The following CDH13 variants were observed in gnomAD, a reference collection of about 807,000 sequenced individuals.
CDH13 encodes cadherin 13.
In CDH13, 24 loss-of-function variants were observed where a neutral mutation model predicts 63.8. The observed-to-expected ratio is 0.38, with a 90% CI of 0.27 to 0.53. CDH13 has a LOEUF of 0.53. Among genes scored for constraint, CDH13 ranks in the 20% least tolerant of loss-of-function variants. The pLI, the probability that CDH13 is intolerant of heterozygous loss-of-function variation, is 0.85. For synonymous variants in CDH13, 503 were observed against 355.3 expected (o/e 1.42, Z -4.67); for missense variants, 1,049 against 903.1 (o/e 1.16, Z -2.07).
intron 2 of CDH13, among the ~76,000 whole-genome samples, chr16:82,899,531 C>T (rs1381957736): frequency 6.6e-6 from 1 of 152,038 alleles, no homozygotes; most frequent in Non-Finnish European, 1.5e-5. Flanking sequence ...TTATCTAGTA[C>T]AAGCCCTAGT....
intron 6 of CDH13, among the ~76,000 whole-genome samples, chr16:83,457,636 C>T (rs186500936): frequency 3.9e-4 from 60 of 152,244 alleles, no homozygotes; most frequent in African/African-American, 1.3e-3. Flanking sequence ...CTAAGGCAGA[C>T]TCTGCTTTAG....
At chr16:83,344,244 G>C (rs1422941790) in intron 5 of CDH13, among the ~76,000 whole-genome samples, 4 of 152,146 alleles carry the variant, frequency 2.6e-5, no homozygotes, top group Admixed American at 2.0e-4. Flanking sequence ...GTTTTTTTAT[G>C]CTGCCTTCTT....
At chr16:83,045,980 G>C (rs1204925695) in intron 3 of CDH13, among the ~76,000 whole-genome samples, 1 of 152,196 alleles carries the variant, frequency 6.6e-6, no homozygotes, top group Non-Finnish European at 1.5e-5. Flanking sequence ...TGGACCCTTT[G>C]GCCTGGGAGT....
chr16:82,807,769 T>C (rs949296664), intron 1 of CDH13, among the ~76,000 whole-genome samples: 6 of 152,164 alleles, frequency 3.9e-5, no homozygotes, highest in African/African-American at 1.4e-4. Flanking sequence ...CAATGGAGCA[T>C]TTTATATGTG....
At chr16:83,351,340 G>A (rs182415671) in intron 6 of CDH13, among the ~76,000 whole-genome samples, 4 of 124,342 alleles carry the variant, frequency 3.2e-5, no homozygotes, top group Admixed American at 1.7e-4. Flanking sequence ...AAGCAATTCT[G>A]TTCTTTTCAA....
At chr16:82,819,831 A>C (rs987644161) in intron 1 of CDH13, among the ~76,000 whole-genome samples, 10 of 152,244 alleles carry the variant, frequency 6.6e-5, no homozygotes, top group African/African-American at 2.2e-4. Flanking sequence ...ACATTCTAGC[A>C]GAAGAGACAA....
chr16:82,776,590 T>G (rs2035508381), intron 1 of CDH13, among the ~76,000 whole-genome samples: 1 of 152,214 alleles, frequency 6.6e-6, no homozygotes, highest in Non-Finnish European at 1.5e-5. Flanking sequence ...GTGCTGTCAC[T>G]ATTTGTTTTA....
At chr16:83,582,651 C>T (rs1022822449) in intron 7 of CDH13, among the ~76,000 whole-genome samples, 8 of 152,184 alleles carry the variant, frequency 5.3e-5, no homozygotes, top group African/African-American at 1.4e-4. Context: ...ATTCACTTCC[C>T]AGCCGTGGGA....
At chr16:83,358,693 C>A (rs181724280) in intron 6 of CDH13, among the ~76,000 whole-genome samples, 40 of 152,290 alleles carry the variant, frequency 2.6e-4, no homozygotes, top group African/African-American at 8.9e-4. Flanking sequence ...AGCCCACTTA[C>A]ACCTCTGTAT....
At chr16:82,831,259 C>T (rs745374765) in intron 1 of CDH13, among the ~76,000 whole-genome samples, 3 of 152,268 alleles carry the variant, frequency 2.0e-5, no homozygotes, top group South Asian at 2.1e-4. Context: ...CAATCATTAG[C>T]ATTTCAGAAA....
chr16:83,750,491 C>G (rs902158547), intron 11 of CDH13, among the ~76,000 whole-genome samples: 4 of 152,000 alleles, frequency 2.6e-5, no homozygotes, highest in Admixed American at 2.6e-4. Flanking sequence ...AGTCCTAATC[C>G]CTGGTTCCAT....
At chr16:83,565,626 TCTC>T (rs1407776631) in intron 7 of CDH13, among the ~76,000 whole-genome samples, 1 of 151,922 alleles carries the variant, frequency 6.6e-6, no homozygotes, top group Non-Finnish European at 1.5e-5. Flanking sequence ...TGGATTTTCA[TCTC>T]CTTCTTCACG....
chr16:82,974,464 A>T (rs1176852313), intron 2 of CDH13, among the ~76,000 whole-genome samples: 1 of 152,212 alleles, frequency 6.6e-6, no homozygotes, highest in Admixed American at 6.5e-5. Flanking sequence ...ATTTGCCCAG[A>T]AATGGAATTT....
chr16:82,758,679 G>A (rs1202314645), intron 1 of CDH13, among the ~76,000 whole-genome samples: 2 of 152,180 alleles, frequency 1.3e-5, no homozygotes, highest in African/African-American at 4.8e-5. Context: ...TCTTCCTCTG[G>A]AGGGGTAGTA....
At chr16:83,242,193 G>C (rs1415140641) in intron 5 of CDH13, among the ~76,000 whole-genome samples, 2 of 152,096 alleles carry the variant, frequency 1.3e-5, no homozygotes, top group Non-Finnish European at 2.9e-5. Context: ...CTAGATATTT[G>C]TCTTCATGTC....
chr16:83,437,429 G>A (rs528880085), intron 6 of CDH13, among the ~76,000 whole-genome samples: 27 of 152,196 alleles, frequency 1.8e-4, no homozygotes, highest in Admixed American at 3.3e-4. Flanking sequence ...TAATCTCAGC[G>A]CTTTGAGAGG....
Position 83,175,990 on chromosome 16 carries a change from G to A in CDH13, c.484-41355G>A, listed in dbSNP as rs1458903469. Reference sequence around the variant, plus strand: ...ATTACAGGCATGTGCCACAATGCCTGGCTAATTTTTGTTTTTGTTTTTGTT... The same window carrying A: ...ATTACAGGCATGTGCCACAATGCCTAGCTAATTTTTGTTTTTGTTTTTGTT... On this transcript the variant is annotated intron_variant, in intron 4 of 13. Coordinates refer to ENST00000567109, the MANE Select transcript of CDH13 (RefSeq NM_001257.5). Among the ~76,000 whole-genome samples the A allele has an allele frequency of 2.0e-5, 3 of 151,262 alleles. No individual in the cohort carries two copies. The South Asian group carries it at 6.3e-4, about 32-fold the overall frequency.
chr16:83,643,543 A>C (rs1351411750), intron 8 of CDH13, among the ~76,000 whole-genome samples: 1 of 152,162 alleles, frequency 6.6e-6, no homozygotes, highest in Non-Finnish European at 1.5e-5. Context: ...CAGAGAGTTT[A>C]ACCCAGCACC....
chr16:83,406,578 C>T (rs957878949), intron 6 of CDH13, among the ~76,000 whole-genome samples: 1 of 152,146 alleles, frequency 6.6e-6, no homozygotes, highest in Non-Finnish European at 1.5e-5. Context: ...ATTCTCCTGC[C>T]TTAGCCTCCC....
Sources: gnomAD v4.1 joint callset for allele counts (sites outside exome capture counted in the v4.1 genomes callset) on GRCh38, gnomAD v4.1.1 for gene constraint, MANE v1.5 for transcripts, NCBI Gene and HGNC (gene_info 2026-07-23, HGNC 2026-07-21) for gene names.